The following SPATA6L variants were observed in gnomAD, a reference collection of about 807,000 sequenced individuals.
SPATA6L encodes spermatogenesis associated 6 like, also known as spermatogenesis associated 6-like protein.
A neutral mutation model predicts 49.2 loss-of-function variants in SPATA6L; 68 were observed. That is an observed-to-expected ratio of 1.38 (90% CI 1.14 to 1.69). The LOEUF (loss-of-function observed/expected upper bound fraction) is 1.69, where lower values mean the gene tolerates loss of function less well. Among genes scored for constraint, SPATA6L ranks in the 40% most tolerant of loss-of-function variants. The pLI, the probability that SPATA6L is intolerant of heterozygous loss-of-function variation, is 0.00. For synonymous variants in SPATA6L, 198 were observed against 165.7 expected (o/e 1.19, Z -1.50); for missense variants, 668 against 464.3 (o/e 1.44, Z -4.03).
At chr9:4,632,410 A>G (rs1169143191) in intron 4 of SPATA6L, among the ~76,000 whole-genome samples, 3 of 151,898 alleles carry the variant, frequency 2.0e-5, no homozygotes, top group African/African-American at 7.3e-5. Context: ...AGCCTAGCCA[A>G]CATGAGGAAA....
chr9:4,632,504 G>A (rs1182222011), intron 4 of SPATA6L, among the ~76,000 whole-genome samples: 5 of 151,382 alleles, frequency 3.3e-5, no homozygotes, highest in African/African-American at 1.2e-4. Flanking sequence ...GCTGAGGCAG[G>A]AGAATCACTT....
Position 4,599,026 on chromosome 9 carries a change from T to G in SPATA6L, c.*1785A>C, listed in dbSNP as rs988666133. 6.6e-6 allele frequency among the ~76,000 whole-genome samples: 1 copy of G among 152,228 alleles called. No individual in the cohort carries two copies. The highest frequency in any genetic ancestry group is 2.4e-5 in the African/African-American group (1 of 41,464). ...GAATATTTACATAAACACAATGAAG[T>G]ATCTTCAGGATAGGGGATAGGACCC... On this transcript the variant is annotated 3_prime_UTR_variant, in exon 12 of 12. Transcript: ENST00000682582.
At chr9:4,614,545 C>T (rs776870304) in intron 9 of SPATA6L, among the ~76,000 whole-genome samples, 21 of 152,142 alleles carry the variant, frequency 1.4e-4, no homozygotes, top group Non-Finnish European at 2.6e-4. Flanking sequence ...AGCCAACGGG[C>T]AATGTGTTCT....
chr9:4,612,572 C>G (rs995048746), intron 9 of SPATA6L, among the ~76,000 whole-genome samples: 1 of 152,156 alleles, frequency 6.6e-6, no homozygotes, highest in African/African-American at 2.4e-5. Context: ...CTCTGTTATA[C>G]GGACTTGCAG....
downstream of SPATA6L, among the ~76,000 whole-genome samples, chr9:4,597,718 C>A (rs1027016613): frequency 3.9e-5 from 6 of 152,186 alleles, no homozygotes; most frequent in African/African-American, 1.4e-4. Flanking sequence ...GTTCCCAGCA[C>A]AAGGGAAGAG....
At chr9:4,634,939 T>A (rs1023994507) in intron 4 of SPATA6L, among the ~76,000 whole-genome samples, 12 of 152,146 alleles carry the variant, frequency 7.9e-5, no homozygotes, top group African/African-American at 1.2e-4. Context: ...AAGCGCAAAA[T>A]AAAGATAACT....
Position 4,618,040 on chromosome 9 carries a change from A to C in SPATA6L, c.878T>G (p.Phe293Cys). Residue 293 changes from phenylalanine (F) to cysteine (C), a missense_variant, in exon 9 of 12, where the codon TTT (phenylalanine) becomes TGT (cysteine). Transcript: ENST00000682582. The stretch of plus-strand genomic sequence containing the variant: ...TTGTTTACTGGATGAAGACTTTCCA[A>C]ACTGACTTGAATCTAAACATGATGA... The part of the protein sequence containing the change: ...DSSSCLDSSQ[F>C]GKSSSSKQGD... 6.2e-7 allele frequency: 1 copy of C among 1,614,116 alleles called. No homozygotes were observed. The highest frequency in any genetic ancestry group is 1.1e-5 in the South Asian group (1 of 91,060).
intron 3 of SPATA6L, among the ~76,000 whole-genome samples, chr9:4,650,953 T>C (rs1389265513): frequency 6.6e-6 from 1 of 151,994 alleles, no homozygotes; most frequent in Non-Finnish European, 1.5e-5. Context: ...CTGCTCGCCT[T>C]GGCCTCCCAA....
intron 9 of SPATA6L, among the ~76,000 whole-genome samples, chr9:4,605,863 A>G (rs1404005545): frequency 6.6e-6 from 1 of 152,230 alleles, no homozygotes; most frequent in Non-Finnish European, 1.5e-5. Flanking sequence ...TGAGCGACGC[A>G]GAGGACGGGT....
At chr9:4,622,874 G>A (rs1376835723) in intron 6 of SPATA6L, among the ~76,000 whole-genome samples, 3 of 152,194 alleles carry the variant, frequency 2.0e-5, no homozygotes, top group South Asian at 2.1e-4. Flanking sequence ...AACAGTATGA[G>A]TAGTGCTGGC....
chr9:4,646,123 TACAC>T (rs112163366), intron 3 of SPATA6L, among the ~76,000 whole-genome samples: 1 of 149,414 alleles, frequency 6.7e-6, no homozygotes, highest in African/African-American at 2.5e-5. Context: ...CTTAGGGTTT[TACAC>T]ACACACACAC....
At chr9:4,638,834 G>A (rs1039084876) in intron 3 of SPATA6L, among the ~76,000 whole-genome samples, 2 of 151,092 alleles carry the variant, frequency 1.3e-5, no homozygotes, top group Non-Finnish European at 2.9e-5. Context: ...ACCCAGGCTG[G>A]AGTGCAATGG....
Position 4,622,304 on chromosome 9 carries a change from C to G in SPATA6L, c.772+104G>C, listed in dbSNP as rs1238123134. 12 of 725,050 alleles carry G rather than the reference C, an allele frequency of 1.7e-5. No homozygotes were observed. The South Asian group carries it at 2.0e-4, about 12-fold the overall frequency. The allele number at this position is 725,050 out of a possible 1,614,324, so 44.9% of individuals were successfully genotyped here. The stretch of plus-strand genomic sequence containing the variant: ...CTGGAGAGTACTTGAGAATTAGGCT[C>G]ACAGTTCTGAACATCACCTGTGATT... On this transcript the variant is annotated intron_variant, in intron 7 of 11. Transcript: ENST00000682582.
chr9:4,640,580 T>A (rs1049246120), intron 3 of SPATA6L, among the ~76,000 whole-genome samples: 137 of 151,310 alleles, frequency 9.1e-4, no homozygotes, highest in African/African-American at 2.4e-3. Flanking sequence ...AAAAAAAAAA[T>A]TTTTGCTAGT....
At chr9:4,644,657 A>ATTCTCTCTCTCTCT (rs1359115433) in intron 3 of SPATA6L, among the ~76,000 whole-genome samples, 3 of 137,954 alleles carry the variant, frequency 2.2e-5, no homozygotes, top group Non-Finnish European at 3.1e-5. Flanking sequence ...AGTTTTCAGT[A>ATTCTCTCTCTCTCT]TTCTCTCTCT....
At position 4,593,275 on chromosome 9, in the gene SPATA6L, G is replaced by C. The variant is rs527820890; in HGVS notation, c.*254+3160C>G. Among the ~76,000 whole-genome samples, 3 of 152,190 alleles carry C rather than the reference G, an allele frequency of 2.0e-5. No individual in the cohort carries two copies. In the South Asian group the frequency reaches 6.2e-4, roughly 32 times the overall value. ...CATTTTATTTGATACAACCAAATTT[G>C]CTCCTTCAAATTGCTGTTTGTTTTC... On this transcript the variant is annotated intron_variant and NMD_transcript_variant, in intron 13 of 13. Coordinates refer to the SPATA6L transcript ENST00000461761.
chr9:4,611,660 AG>A (rs1189065870), intron 9 of SPATA6L, among the ~76,000 whole-genome samples: 2 of 57,940 alleles, frequency 3.5e-5, no homozygotes, highest in South Asian at 8.1e-4. Flanking sequence ...GGGTGGGGGG[AG>A]GGGGGAGGGA....
At chr9:4,603,732 G>A (rs757174016) in intron 11 of SPATA6L, among the ~76,000 whole-genome samples, 5 of 152,132 alleles carry the variant, frequency 3.3e-5, no homozygotes, top group Non-Finnish European at 7.4e-5. Context: ...AATTTATGAA[G>A]GAAAAATGCT....
At chr9:4,653,258 G>T (rs1024735105) in intron 3 of SPATA6L, among the ~76,000 whole-genome samples, 6 of 152,172 alleles carry the variant, frequency 3.9e-5, no homozygotes, top group Non-Finnish European at 7.3e-5. Flanking sequence ...TTCAATGAGG[G>T]AAAGAATGGT....
Sources: allele counts gnomAD v4.1 joint callset (sites outside exome capture counted in the v4.1 genomes callset), GRCh38; gene constraint gnomAD v4.1.1; transcripts MANE v1.5; gene names NCBI Gene and HGNC (gene_info 2026-07-23, HGNC 2026-07-21).